The following MAP4K3 variants were observed in gnomAD, a reference collection of about 807,000 sequenced individuals.
MAP4K3 encodes the protein MAPK/ERK kinase kinase kinase 3.
A neutral mutation model predicts 143.5 loss-of-function variants in MAP4K3; 94 were observed. The observed-to-expected ratio is 0.65, with a 90% CI of 0.55 to 0.78. The LOEUF (loss-of-function observed/expected upper bound fraction) is 0.78. MAP4K3 is among the 30% of genes least tolerant of loss of function. The probability of loss-of-function intolerance (pLI) is 0.00; values close to 1 mark genes in which losing one functional copy is unlikely to be tolerated. For missense variants in MAP4K3, 1,077 were observed against 1,068.1 expected (o/e 1.01, Z -0.12); for synonymous variants, 416 against 347.2 (o/e 1.20, Z -2.20).
rs547721579 is a variant in MAP4K3, at chr2:39,286,388, C to T, written c.1587+464G>A. Reference sequence around the variant, plus strand: ...CAGGCCACTGACCATTACTGGTCTGCGGCCCAGGGGTTAGGGACCCCTGAT... The same window carrying T: ...CAGGCCACTGACCATTACTGGTCTGTGGCCCAGGGGTTAGGGACCCCTGAT... On this transcript the variant is annotated intron_variant, in intron 21 of 33. Transcript: ENST00000263881. 1.2e-4 allele frequency among the ~76,000 whole-genome samples: 19 copies of T among 152,242 alleles called. No individual in the cohort carries two copies. The South Asian group carries it at 1.5e-3, about 12-fold the overall frequency.
At chr2:39,413,884 C>T (rs576558973) in intron 1 of MAP4K3, among the ~76,000 whole-genome samples, 55 of 152,146 alleles carry the variant, frequency 3.6e-4, no homozygotes, top group East Asian at 2.3e-3. Flanking sequence ...AGAAAATATA[C>T]GATTCAGATA....
chr2:39,262,435 T>G (rs1469159778), intron 28 of MAP4K3, among the ~76,000 whole-genome samples: 1 of 152,218 alleles, frequency 6.6e-6, no homozygotes, highest in Non-Finnish European at 1.5e-5. Context: ...TCTGTCATTT[T>G]TAATAAGGTA....
chr2:39,369,205 G>GTTTTTTTTTTTTTTTTTTTTTTT (rs68013609), intron 2 of MAP4K3, among the ~76,000 whole-genome samples: 3 of 125,380 alleles, frequency 2.4e-5, no homozygotes, highest in African/African-American at 3.2e-5. Flanking sequence ...TTTTTTTTTT[G>GTTTTTTTTTTTTTTTTTTTTTTT]TTTTTTTTGA....
intron 1 of MAP4K3, among the ~76,000 whole-genome samples, chr2:39,410,154 G>C (rs752585641): frequency 1.3e-5 from 2 of 152,124 alleles, no homozygotes; most frequent in Non-Finnish European, 2.9e-5. Flanking sequence ...ATGGTAGTTT[G>C]GGATTGTGGA....
intron 13 of MAP4K3, among the ~76,000 whole-genome samples, chr2:39,313,639 A>G (rs568186121): frequency 2.6e-5 from 4 of 152,122 alleles, no homozygotes; most frequent in Non-Finnish European, 4.4e-5. Context: ...CAGCCTCCCC[A>G]GTAGCTGGGA....
intron 8 of MAP4K3, among the ~76,000 whole-genome samples, chr2:39,329,240 A>G (rs536362568): frequency 3.1e-4 from 47 of 152,364 alleles, no homozygotes; most frequent in African/African-American, 1.0e-3. Context: ...AGATGTTTAC[A>G]ATAAAACTGA....
intron 1 of MAP4K3, among the ~76,000 whole-genome samples, chr2:39,389,493 C>T (rs985933766): frequency 2.6e-5 from 4 of 152,032 alleles, no homozygotes; most frequent in African/African-American, 7.2e-5. Flanking sequence ...AGACACACTA[C>T]ATGAAACTGC....
intron 23 of MAP4K3, among the ~76,000 whole-genome samples, chr2:39,278,873 C>A (rs1030569483): frequency 2.6e-5 from 4 of 152,078 alleles, no homozygotes; most frequent in African/African-American, 9.7e-5. Flanking sequence ...ATTATTTCTA[C>A]AGAATTTTTT....
At chr2:39,308,963 T>C (rs1192134251) in intron 14 of MAP4K3, among the ~76,000 whole-genome samples, 2 of 151,722 alleles carry the variant, frequency 1.3e-5, no homozygotes, top group Non-Finnish European at 2.9e-5. Flanking sequence ...AAATAAAAAA[T>C]AAAAAAAATT....
Position 39,408,162 on chromosome 2 carries a change from C to T in MAP4K3, c.96+28730G>A, listed in dbSNP as rs74654618. Among the ~76,000 whole-genome samples, 255 of 152,230 alleles carry T rather than the reference C, an allele frequency of 1.7e-3. 6 individuals carry two copies. The East Asian group carries it at 0.024, about 14-fold the overall frequency. Reference sequence around the variant, plus strand: ...AAAATAAAAAAAACCATCTAGATAACAAAACCCTTTTTCTGGATTGGTTCC... The same window carrying T: ...AAAATAAAAAAAACCATCTAGATAATAAAACCCTTTTTCTGGATTGGTTCC... On this transcript the variant is annotated intron_variant, in intron 1 of 33. Coordinates refer to ENST00000263881, the MANE Select transcript of MAP4K3 (RefSeq NM_003618.4).
intron 1 of MAP4K3, among the ~76,000 whole-genome samples, chr2:39,411,772 A>G (rs944172874): frequency 1.3e-5 from 2 of 152,176 alleles, no homozygotes; most frequent in African/African-American, 2.4e-5. Flanking sequence ...AAAAAATGTG[A>G]CGATCTGCAG....
chr2:39,346,149 G>C (rs1437533856), intron 3 of MAP4K3, among the ~76,000 whole-genome samples: 1 of 152,178 alleles, frequency 6.6e-6, no homozygotes, highest in Non-Finnish European at 1.5e-5. Flanking sequence ...ATAGATGTCT[G>C]AGACTGGCAG....
intron 1 of MAP4K3, among the ~76,000 whole-genome samples, chr2:39,424,741 G>A (rs769684152): frequency 3.4e-5 from 5 of 147,064 alleles, no homozygotes; most frequent in African/African-American, 7.7e-5. Context: ...TGAGGTGAGA[G>A]AATCACTTGA....
chr2:39,380,008 G>A (rs548414819), intron 1 of MAP4K3, among the ~76,000 whole-genome samples: 1 of 152,054 alleles, frequency 6.6e-6, no homozygotes, highest in South Asian at 2.1e-4. Context: ...GGTTTACCAA[G>A]GTCAATATTT....
intron 24 of MAP4K3, among the ~76,000 whole-genome samples, chr2:39,275,031 T>C (rs1176836434): frequency 6.6e-6 from 1 of 152,212 alleles, no homozygotes; most frequent in Non-Finnish European, 1.5e-5. Context: ...CCACATATAC[T>C]AATTCTTTAC....
chr2:39,418,723 C>T (rs1033569757), intron 1 of MAP4K3, among the ~76,000 whole-genome samples: 7 of 150,372 alleles, frequency 4.7e-5, no homozygotes, highest in African/African-American at 1.7e-4. Context: ...GCAATCTAAC[C>T]ATGAGAAAAA....
In MAP4K3 at chr2:39,358,040, T is replaced by C. The variant is rs887949902; in HGVS notation, c.155-1701A>G. Among the ~76,000 whole-genome samples, 8 of 152,108 alleles carry C rather than the reference T, an allele frequency of 5.3e-5. No individual in the cohort carries two copies. In the South Asian group the frequency reaches 6.2e-4, roughly 12 times the overall value. On this transcript the variant is annotated intron_variant, in intron 2 of 33. Coordinates refer to ENST00000263881, the MANE Select transcript of MAP4K3 (RefSeq NM_003618.4). ...GGATAAAGTTAACATGTGGAAAGCA[T>C]TGAGGAGAAACAGGTAAAAGGAAGC... is the stretch of plus-strand genomic sequence containing the variant.
chr2:39,251,054 C>T (rs1573052525), intron 33 of MAP4K3, among the ~76,000 whole-genome samples: 1 of 152,122 alleles, frequency 6.6e-6, no homozygotes, highest in African/African-American at 2.4e-5. Flanking sequence ...ACCCAGAGAC[C>T]CACGCTGCAC....
At chr2:39,358,442 T>C (rs539472696) in intron 2 of MAP4K3, among the ~76,000 whole-genome samples, 1 of 152,320 alleles carries the variant, frequency 6.6e-6, no homozygotes, top group East Asian at 1.9e-4. Context: ...TTTCATCCAA[T>C]TGTTAGCATG....
Sources: allele counts gnomAD v4.1 joint callset (sites outside exome capture counted in the v4.1 genomes callset), GRCh38; gene constraint gnomAD v4.1.1; transcripts MANE v1.5; gene names NCBI Gene and HGNC (gene_info 2026-07-23, HGNC 2026-07-21).